TRDN: variants seen among roughly 807,000 people sequenced by gnomAD.
TRDN encodes the protein triadin in skeletal muscle.
Under a neutral mutation model 149.7 loss-of-function variants are expected in TRDN, and 161 were observed. That is an observed-to-expected ratio of 1.08 (90% CI 0.95 to 1.23). TRDN has a LOEUF of 1.23. Among genes scored for constraint, TRDN ranks in the 50% most tolerant of loss-of-function variants. The probability of loss-of-function intolerance (pLI) is 0.00; values close to 1 mark genes in which losing one functional copy is unlikely to be tolerated. For missense variants in TRDN, 896 were observed against 823.5 expected (o/e 1.09, Z -1.08); for synonymous variants, 294 against 250.5 (o/e 1.17, Z -1.64).
At chr6:123,518,058 A>T (rs541778065) in intron 5 of TRDN, among the ~76,000 whole-genome samples, 20 of 152,266 alleles carry the variant, frequency 1.3e-4, no homozygotes, top group African/African-American at 4.6e-4. Flanking sequence ...TCGTCTAGTT[A>T]AATTCTATTT....
intron 1 of TRDN, among the ~76,000 whole-genome samples, chr6:123,577,948 C>T (rs1782938121): frequency 6.6e-6 from 1 of 152,102 alleles, no homozygotes; most frequent in Admixed American, 6.6e-5. Context: ...TGAAAAGTGT[C>T]TTTTCATGTC....
chr6:123,297,259 TCAGA>T (rs796794407), intron 24 of TRDN, among the ~76,000 whole-genome samples: 120 of 152,238 alleles, frequency 7.9e-4, no homozygotes, highest in African/African-American at 2.7e-3. Context: ...ACTTTTCATC[TCAGA>T]CAGTTATCTG....
At chr6:123,266,795 T>C (rs1469969592) in intron 32 of TRDN, among the ~76,000 whole-genome samples, 1 of 132,152 alleles carries the variant, frequency 7.6e-6, no homozygotes, top group African/African-American at 2.8e-5. Context: ...ATGTTATATA[T>C]TATAATATAT....
intron 12 of TRDN, among the ~76,000 whole-genome samples, chr6:123,422,730 T>G (rs980713740): frequency 3.9e-5 from 6 of 152,108 alleles, no homozygotes; most frequent in African/African-American, 1.4e-4. Context: ...TTAAATAAAA[T>G]GGGGCAAGTT....
At chr6:123,292,930 A>T (rs1256571435) in intron 24 of TRDN, among the ~76,000 whole-genome samples, 1 of 152,184 alleles carries the variant, frequency 6.6e-6, no homozygotes, top group Admixed American at 6.5e-5. Context: ...TCCCTTGGGA[A>T]ACATCTCTTT....
At chr6:123,440,861 T>C in intron 10 of TRDN, 1 of 152,168 alleles carries the variant, frequency 6.6e-6, no homozygotes, top group South Asian at 2.1e-4. Flanking sequence ...CAAATTAATA[T>C]AGCTGGAATT....
rs182395389 is a variant in TRDN, at chr6:123,399,630, A to G, written c.1052-5953T>C. Among the ~76,000 whole-genome samples, 137 of 152,286 alleles carry G rather than the reference A, an allele frequency of 9.0e-4. 2 individuals are homozygous for G. The highest frequency in any genetic ancestry group is 2.1e-3 in the Admixed American group (32 of 15,306). ...AATACCTGTCTTAGAGGGGTCCTAG[A>G]TGTTTTTGCCTAAAGCAAAGAGACA... On this transcript the variant is annotated intron_variant, in intron 12 of 40. Transcript: ENST00000334268.
chr6:123,451,280 C>CA (rs58893514), intron 10 of TRDN, among the ~76,000 whole-genome samples: 1 of 151,280 alleles, frequency 6.6e-6, no homozygotes, highest in South Asian at 2.1e-4. Context: ...GAAACAACAA[C>CA]AAAAAAATAC....
chr6:123,238,195 A>G (rs1333442398), intron 38 of TRDN, among the ~76,000 whole-genome samples: 1 of 152,196 alleles, frequency 6.6e-6, no homozygotes, highest in Admixed American at 6.5e-5. Context: ...CAAAAATGCA[A>G]AAGAAATGGT....
intron 2 of TRDN, among the ~76,000 whole-genome samples, chr6:123,559,177 G>A (rs948087897): frequency 2.0e-5 from 3 of 152,124 alleles, no homozygotes; most frequent in African/African-American, 7.2e-5. Flanking sequence ...CACAGTGGAG[G>A]GTGAGTCTGT....
At position 123,366,225 on chromosome 6, in the gene TRDN, G is replaced by C. The variant is rs747060933; in HGVS notation, c.1274-43C>G. On this transcript the variant is annotated intron_variant, in intron 19 of 40. Transcript: ENST00000334268. ...AAAGGAATGAGAAGTGGATATTAGT[G>C]ATGCCAAATTCACATCTTATACTAT... The C allele has an allele frequency of 8.4e-6, 13 of 1,554,652 alleles. No individual in the cohort carries two copies. The East Asian group carries it at 2.7e-4, about 32-fold the overall frequency.
intron 24 of TRDN, among the ~76,000 whole-genome samples, chr6:123,302,299 T>C (rs1778457493): frequency 6.6e-6 from 1 of 152,064 alleles, no homozygotes; most frequent in South Asian, 2.1e-4. Flanking sequence ...TTTAGCCAAC[T>C]GGTAAAATAT....
chr6:123,394,367 T>C (rs191463250), intron 12 of TRDN, among the ~76,000 whole-genome samples: 3 of 152,250 alleles, frequency 2.0e-5, no homozygotes, highest in Admixed American at 6.5e-5. Context: ...AAATAATGGG[T>C]AAATAAAAAT....
chr6:123,265,249 A>G, intron 33 of TRDN, 69 bp downstream of exon 33: 1 of 1,184,606 alleles, frequency 8.4e-7, no homozygotes, highest in Non-Finnish European at 1.2e-6. Flanking sequence ...TTCAGTTATA[A>G]CTCAAAGAAA....
chr6:123,546,610 A>G lies in TRDN; in HGVS notation c.424+730T>C, dbSNP rs566448029. 1.1e-4 allele frequency among the ~76,000 whole-genome samples: 16 copies of G among 152,124 alleles called. No homozygotes were observed. In the South Asian group the frequency reaches 3.3e-3, roughly 32 times the overall value. On this transcript the variant is annotated intron_variant, in intron 4 of 40. Coordinates refer to ENST00000334268, the MANE Select transcript of TRDN (RefSeq NM_006073.4). ...TTTCTCACAACAAATGTACCTCAAG[A>G]TGGTACTACCTGCTCCCCAGTGCCC...
intron 4 of TRDN, among the ~76,000 whole-genome samples, chr6:123,540,916 C>T (rs982336892): frequency 6.6e-6 from 1 of 152,108 alleles, no homozygotes; most frequent in Admixed American, 6.6e-5. Context: ...TTCTGTTATG[C>T]TTTTTTTGTT....
intron 1 of TRDN, among the ~76,000 whole-genome samples, chr6:123,590,500 C>G (rs1356039899): frequency 2.6e-5 from 4 of 152,134 alleles, no homozygotes; most frequent in Admixed American, 2.6e-4. Context: ...CGCTGTGGCT[C>G]ACACCTGTAA....
chr6:123,343,593 A>G (rs1780143152), intron 21 of TRDN, among the ~76,000 whole-genome samples: 1 of 152,016 alleles, frequency 6.6e-6, no homozygotes, highest in African/African-American at 2.4e-5. Context: ...ATTTCAAAAT[A>G]TACTTCAAAA....
chr6:123,537,330 C>A (rs1780601220), intron 4 of TRDN, among the ~76,000 whole-genome samples: 1 of 152,100 alleles, frequency 6.6e-6, no homozygotes. Flanking sequence ...ATTCTACATG[C>A]AGAAATTACA....
Sources: gnomAD v4.1 joint callset for allele counts (sites outside exome capture counted in the v4.1 genomes callset) on GRCh38, gnomAD v4.1.1 for gene constraint, MANE v1.5 for transcripts, NCBI Gene and HGNC (gene_info 2026-07-23, HGNC 2026-07-21) for gene names.